C9: variants seen among roughly 807,000 people sequenced by gnomAD.
C9 encodes the protein complement component C9.
A neutral mutation model predicts 65.4 loss-of-function variants in C9; 63 were observed. The observed-to-expected ratio is 0.96, with a 90% CI of 0.79 to 1.19. The LOEUF is 1.19. Ranked by LOEUF, C9 falls within the 50% of genes most tolerant of loss-of-function variation. The probability of loss-of-function intolerance (pLI) is 0.00; values close to 1 mark genes in which losing one functional copy is unlikely to be tolerated. For synonymous variants in C9, 229 were observed against 227.9 expected (o/e 1.00, Z -0.04); for missense variants, 744 against 670.1 (o/e 1.11, Z -1.22).
chr5:39,286,580 A>G (rs1752995352), intron 10 of C9, among the ~76,000 whole-genome samples: 1 of 152,036 alleles, frequency 6.6e-6, no homozygotes, highest in Non-Finnish European at 1.5e-5. Context: ...GACTATACAA[A>G]GTTGAATAAA....
chr5:39,333,802 CG>C (rs1753895510), intron 4 of C9, among the ~76,000 whole-genome samples: 1 of 148,810 alleles, frequency 6.7e-6, no homozygotes, highest in South Asian at 2.1e-4. Flanking sequence ...TTGGTGGAGA[CG>C]GGGTTTCGCT....
At chr5:39,289,680 G>T in intron 9 of C9, among the ~76,000 whole-genome samples, 1 of 151,832 alleles carries the variant, frequency 6.6e-6, no homozygotes, top group Middle Eastern at 3.2e-3. Context: ...AGTCTTGTCA[G>T]TGATTTCCAT....
intron 4 of C9, among the ~76,000 whole-genome samples, chr5:39,336,486 C>A (rs1753967876): frequency 3.9e-5 from 6 of 151,922 alleles, no homozygotes; most frequent in Admixed American, 3.9e-4. Context: ...ATTAAAAATT[C>A]TTTATTAATA....
chr5:39,342,033 G>A (rs1415142738), intron 2 of C9, 58 bp downstream of exon 2: 1 of 962,460 alleles, frequency 1.0e-6, no homozygotes, highest in Non-Finnish European at 1.7e-6. Context: ...TTTCTGGAGA[G>A]GCTAGCAATA....
At chr5:39,346,871 G>A (rs1422326129) in intron 1 of C9, among the ~76,000 whole-genome samples, 2 of 152,122 alleles carry the variant, frequency 1.3e-5, no homozygotes, top group Admixed American at 1.3e-4. Context: ...TTCAACATAT[G>A]CAAATCAATA....
chr5:39,327,261 A>T (rs1432077768), intron 5 of C9, among the ~76,000 whole-genome samples: 1 of 152,174 alleles, frequency 6.6e-6, no homozygotes, highest in Non-Finnish European at 1.5e-5. Flanking sequence ...AGCTTCAAGG[A>T]GAATGATCAG....
At chr5:39,299,339 A>G (rs169114) in intron 9 of C9, among the ~76,000 whole-genome samples, 54,510 of 151,878 alleles carry the variant, frequency 0.36, 10,904 homozygotes, top group Non-Finnish European at 0.46. Context: ...GAAAAGAAAA[A>G]TATGTTCATG....
intron 9 of C9, among the ~76,000 whole-genome samples, chr5:39,302,491 G>A (rs930832136): frequency 2.0e-5 from 3 of 152,102 alleles, no homozygotes; most frequent in Non-Finnish European, 4.4e-5. Context: ...AAACAAGAGA[G>A]TTAGAAATGA....
intron 4 of C9, among the ~76,000 whole-genome samples, chr5:39,333,619 T>TCTCCCCTCTCCCTCTCTTTCCACGGC (rs1753888600): frequency 8.5e-6 from 1 of 117,530 alleles, no homozygotes; most frequent in South Asian, 3.2e-4. Flanking sequence ...CTTTCCATGG[T>TCTCCCCTCTCCCTCTCTTTCCACGGC]CTCCCCTCTC....
At chr5:39,315,630 T>C (rs1753555433) in intron 6 of C9, 145 bp downstream of exon 6, 2 of 641,596 alleles carry the variant, frequency 3.1e-6, no homozygotes, top group East Asian at 5.5e-5. Context: ...CTCCAGTTAG[T>C]ATTCTTTCTG....
chr5:39,331,021 C>T (rs191904328), intron 5 of C9, among the ~76,000 whole-genome samples: 1 of 152,158 alleles, frequency 6.6e-6, no homozygotes, highest in East Asian at 1.9e-4. Context: ...GCTCCTGGGT[C>T]AGAGCAAGCT....
At chr5:39,321,387 C>T (rs1028460589) in intron 5 of C9, among the ~76,000 whole-genome samples, 6 of 151,910 alleles carry the variant, frequency 3.9e-5, no homozygotes, top group African/African-American at 9.7e-5. Context: ...TGCATGGTAA[C>T]TCATGAAAAC....
At position 39,285,134 on chromosome 5, in the gene C9, C is replaced by A. The variant is rs2111827296; in HGVS notation, c.*65G>T. On this transcript the variant is annotated 3_prime_UTR_variant, in exon 11 of 11. Transcript: ENST00000263408. The stretch of plus-strand genomic sequence containing the variant: ...TTTACTTGGCAGCTAAGATTATCTT[C>A]AGGGGTAGGATCTGAAGGTACTAGT... 1 of 1,309,962 alleles carries A rather than the reference C, an allele frequency of 7.6e-7. No individual in the cohort carries two copies. Among genetic ancestry groups the A allele is most frequent in the Middle Eastern group, 1.9e-4 (1 of 5,400 alleles). The allele number at this position is 1,309,962 out of a possible 1,614,324, so 81.1% of individuals were successfully genotyped here. A position where few individuals can be genotyped will look rare whatever the true frequency, so the allele number is the denominator to read the frequency against.
chr5:39,347,221 G>A (rs753558208), intron 1 of C9, among the ~76,000 whole-genome samples: 15 of 152,136 alleles, frequency 9.9e-5, no homozygotes, highest in Non-Finnish European at 8.8e-5. Context: ...AGGAAAAGAG[G>A]AAGTCAAATT....
rs767572697 is a variant in C9 at position 39,311,251 on chromosome 5, C to T, written c.997G>A (p.Gly333Arg). 1.2e-6 allele frequency: 2 copies of T among 1,613,792 alleles called. No individual in the cohort carries two copies. Among genetic ancestry groups the T allele is most frequent in the Non-Finnish European group, 1.7e-6 (2 of 1,179,790 alleles). ...IKALPTTYEKGEYFAFLETYG... is the reference protein window; with the variant it reads ...IKALPTTYEKREYFAFLETYG... ...GTTTCCAAAAAGGCAAAATATTCTC[C>T]CTTTTCATAGGTAGTTGGCAAAGCT... The change falls in exon 7 of 11, where the codon GGA (glycine) becomes AGA (arginine). Residue 333 changes from glycine (G) to arginine (R), a missense_variant. Gly to Arg is a moderately radical substitution (Grantham distance 125). Coordinates refer to ENST00000263408, the MANE Select transcript of C9 (RefSeq NM_001737.5).
chr5:39,321,678 C>T (rs1446050669), intron 5 of C9, among the ~76,000 whole-genome samples: 6 of 152,024 alleles, frequency 3.9e-5, no homozygotes, highest in African/African-American at 7.2e-5. Flanking sequence ...AGACTCACTT[C>T]ACCTTTAAGT....
chr5:39,359,102 G>GTGTGTGTGTATATATATATATATATA (rs1407613505), intron 1 of C9, among the ~76,000 whole-genome samples: 47 of 103,658 alleles, frequency 4.5e-4, no homozygotes, highest in Middle Eastern at 5.9e-3. Context: ...GTGTGTGTGT[G>GTGTGTGTGTATATATATATATATATA]TATATATATA....
In C9 at chr5:39,315,779, T is replaced by A. The variant is rs764259892; in HGVS notation, c.866A>T (p.Lys289Met). The A allele has an allele frequency of 1.3e-6, 2 of 1,596,928 alleles. No homozygotes were observed. Among genetic ancestry groups the A allele is most frequent in the East Asian group, 4.5e-5 (2 of 44,686 alleles). ...ATATTAACTGTTTTGTCTTACCTTCTTTGAAGAATATGACAAAAATAGTTG... is the reference window on the plus strand; with the variant it reads ...ATATTAACTGTTTTGTCTTACCTTCATTGAAGAATATGACAAAAATAGTTG... ...TYQLFLSYSSKKEKMFLHVKG... is the reference protein window; with the variant it reads ...TYQLFLSYSSMKEKMFLHVKG... Residue 289 changes from lysine (K) to methionine (M), a missense_variant, in exon 6 of 11, where the codon AAG becomes ATG. Lys to Met is a moderately conservative substitution (Grantham distance 95). Transcript: ENST00000263408.
In C9 at chr5:39,342,143, C is replaced by A; in HGVS notation, c.131G>T (p.Arg44Ile). ...TGACCATTCACTCCAGGGGCTCATTCTGCAGTCTATGTGTGATGCAGAGCC... is the reference window on the plus strand; with the variant it reads ...TGACCATTCACTCCAGGGGCTCATTATGCAGTCTATGTGTGATGCAGAGCC... ...SSGSASHIDCRMSPWSEWSQC... is the reference protein window; with the variant it reads ...SSGSASHIDCIMSPWSEWSQC... Residue 44 changes from arginine (R) to isoleucine (I), a missense_variant, in exon 2 of 11, where the codon AGA becomes ATA. Transcript: ENST00000263408. 6.2e-7 allele frequency: 1 copy of A among 1,611,494 alleles called. No homozygotes were observed. The highest frequency in any genetic ancestry group is 8.5e-7 in the Non-Finnish European group (1 of 1,177,638).
Sources: gnomAD v4.1 joint callset for allele counts (sites outside exome capture counted in the v4.1 genomes callset) on GRCh38, gnomAD v4.1.1 for gene constraint, MANE v1.5 for transcripts, NCBI Gene and HGNC (gene_info 2026-07-23, HGNC 2026-07-21) for gene names.